ADAM2: variants seen among roughly 807,000 people sequenced by gnomAD.
The protein encoded by ADAM2 is ADAM metallopeptidase domain 2, also known as disintegrin and metalloproteinase domain-containing protein 2.
Under a neutral mutation model 99.3 loss-of-function variants are expected in ADAM2, and 101 were observed. The ratio of observed to expected loss-of-function variants is 1.02; its 90% confidence interval spans 0.87 to 1.20. The LOEUF is 1.20. ADAM2 is among the 50% of genes most tolerant of loss of function. The pLI is 0.00. For missense variants in ADAM2, 948 were observed against 878.7 expected (o/e 1.08, Z -1.00); for synonymous variants, 323 against 287.6 (o/e 1.12, Z -1.25).
At chr8:39,830,570 A>G (rs908790638) in intron 3 of ADAM2, among the ~76,000 whole-genome samples, 40 of 152,306 alleles carry the variant, frequency 2.6e-4, no homozygotes, top group African/African-American at 9.4e-4. Context: ...CACAGCTGAA[A>G]GAGTGAGCAG....
At chr8:39,787,555 T>C (rs1047141291) in intron 9 of ADAM2, among the ~76,000 whole-genome samples, 3 of 107,302 alleles carry the variant, frequency 2.8e-5, no homozygotes, top group African/African-American at 8.2e-5. Flanking sequence ...TATATATATA[T>C]ACACATATAT....
Position 39,761,197 on chromosome 8 carries a change from C to A in ADAM2, c.1592G>T (p.Gly531Val). The A allele has an allele frequency of 6.3e-7, 1 of 1,598,948 alleles. No homozygotes were observed. Among genetic ancestry groups the A allele is most frequent in the Non-Finnish European group, 8.5e-7 (1 of 1,171,552 alleles). Residue 531 changes from glycine to valine, a missense_variant, in exon 15 of 21, where the codon GGA becomes GTA. Transcript: ENST00000265708. ...VSGNCGISDS[G>V]YTQCEADNLQ... ...ATACTCAGCTTCACACTGTGTGTATCCTGAATCACTTATACCACAGTTTCC... is the reference window on the plus strand; with the variant it reads ...ATACTCAGCTTCACACTGTGTGTATACTGAATCACTTATACCACAGTTTCC...
chr8:39,801,117 A>T (rs1431133352), intron 7 of ADAM2, among the ~76,000 whole-genome samples: 1 of 151,658 alleles, frequency 6.6e-6, no homozygotes, highest in Non-Finnish European at 1.5e-5. Flanking sequence ...GGTTTTCAGC[A>T]TTTTTTTCAT....
At chr8:39,793,273 C>T (rs1803795477) in intron 7 of ADAM2, among the ~76,000 whole-genome samples, 1 of 152,096 alleles carries the variant, frequency 6.6e-6, no homozygotes, top group Non-Finnish European at 1.5e-5. Context: ...TACTTAAATG[C>T]CATCCCTTTA....
At position 39,787,236 on chromosome 8, in the gene ADAM2, CAA is replaced by C. The variant is rs757637300; in HGVS notation, c.810-183_810-182del. ...AAAACAATAAAATAAATTTTAAAAA[CAA>C]AGTGTATTTTATATGGATTTCTGTA... is the stretch of plus-strand genomic sequence containing the variant. On this transcript the variant is annotated intron_variant, in intron 9 of 20. Transcript: ENST00000265708. Among the ~76,000 whole-genome samples the C allele has an allele frequency of 7.9e-5, 12 of 151,256 alleles. No individual in the cohort carries two copies. The East Asian group carries it at 9.7e-4, about 12-fold the overall frequency.
intron 12 of ADAM2, among the ~76,000 whole-genome samples, chr8:39,768,593 T>C (rs1299765931): frequency 6.6e-6 from 1 of 152,206 alleles, no homozygotes; most frequent in Non-Finnish European, 1.5e-5. Flanking sequence ...ACCACAAATG[T>C]ACTCCCTAGG....
intron 8 of ADAM2, among the ~76,000 whole-genome samples, chr8:39,788,466 C>T (rs1211103610): frequency 1.3e-5 from 2 of 151,698 alleles, no homozygotes; most frequent in African/African-American, 4.8e-5. Flanking sequence ...GCCCCATACC[C>T]CATGCTTTAT....
Position 39,834,138 on chromosome 8 carries a change from A to G in ADAM2, c.133-139T>C, listed in dbSNP as rs898914029. 5 of 526,678 alleles carry G rather than the reference A, an allele frequency of 9.5e-6. No individual in the cohort carries two copies. The African/African-American group carries it at 9.7e-5, about 10-fold the overall frequency. 32.6% of individuals were successfully genotyped at this position (526,678 alleles called of 1,614,324 possible). On this transcript the variant is annotated intron_variant, in intron 2 of 20. Coordinates refer to ENST00000265708, the MANE Select transcript of ADAM2 (RefSeq NM_001464.5). ...GGAGAAAAAATAGAATTTAATGCTG[A>G]TTTATTTTAATGGCATTTGACATTA...
In ADAM2 at chr8:39,788,715, G is replaced by A. The variant is rs916110908; in HGVS notation, c.596C>T (p.Thr199Ile). The change falls in exon 8 of 21, where the codon ACT becomes ATT. Residue 199 changes from threonine (T) to isoleucine (I), a missense_variant. Coordinates refer to ENST00000265708, the MANE Select transcript of ADAM2 (RefSeq NM_001464.5). ...CTGGAAAACTTTTTGAGCGACAACAGTTGTATCAGACCCCATATGATTATA... is the reference window on the plus strand; with the variant it reads ...CTGGAAAACTTTTTGAGCGACAACAATTGTATCAGACCCCATATGATTATA... ...QLYNHMGSDT[T>I]VVAQKVFQLI... The A allele has an allele frequency of 1.3e-6, 2 of 1,574,140 alleles. No homozygotes were observed. The highest frequency in any genetic ancestry group is 1.7e-6 in the Non-Finnish European group (2 of 1,155,700).
intron 7 of ADAM2, among the ~76,000 whole-genome samples, chr8:39,795,905 C>T (rs1300901597): frequency 5.9e-5 from 9 of 152,126 alleles, no homozygotes; most frequent in Non-Finnish European, 1.3e-4. Context: ...ACTGCACTTA[C>T]ATAATAATTA....
chr8:39,784,152 A>G (rs952174564), intron 10 of ADAM2, among the ~76,000 whole-genome samples: 2 of 152,148 alleles, frequency 1.3e-5, no homozygotes, highest in Non-Finnish European at 2.9e-5. Context: ...AAAAGGCAGA[A>G]CTTCAACTAT....
chr8:39,822,086 C>G (rs10106769), intron 4 of ADAM2, among the ~76,000 whole-genome samples: 4,654 of 152,186 alleles, frequency 0.031, 168 homozygotes, highest in African/African-American at 0.083. Context: ...TACCTAAAAT[C>G]TTAGTTTGTA....
intron 8 of ADAM2, 28 bp from the exon 9 acceptor site, chr8:39,788,279 C>A: frequency 7.2e-7 from 1 of 1,387,116 alleles, no homozygotes; most frequent in Non-Finnish European, 9.6e-7. Flanking sequence ...CAAAAGTGTG[C>A]TCAAAAGTCA....
intron 3 of ADAM2, among the ~76,000 whole-genome samples, chr8:39,827,738 A>G (rs1805467247): frequency 6.6e-6 from 1 of 152,056 alleles, no homozygotes; most frequent in African/African-American, 2.4e-5. Flanking sequence ...GAGTGGGAAA[A>G]TGGGAGATGA....
intron 16 of ADAM2, among the ~76,000 whole-genome samples, chr8:39,755,374 C>A (rs926028950): frequency 2.6e-5 from 4 of 152,106 alleles, no homozygotes; most frequent in Non-Finnish European, 5.9e-5. Context: ...AATTATGTAT[C>A]ATTTAAGAAC....
At chr8:39,791,210 A>G (rs1803697476) in intron 7 of ADAM2, among the ~76,000 whole-genome samples, 1 of 152,034 alleles carries the variant, frequency 6.6e-6, no homozygotes, top group Non-Finnish European at 1.5e-5. Flanking sequence ...TTTAATAAAA[A>G]CAGAACATTC....
chr8:39,757,694 T>A (rs1031306564), intron 15 of ADAM2, among the ~76,000 whole-genome samples: 3 of 152,186 alleles, frequency 2.0e-5, no homozygotes, highest in African/African-American at 7.2e-5. Flanking sequence ...ACAGGTTTGC[T>A]TTATAGTTTG....
chr8:39,774,693 A>G lies in ADAM2; in HGVS notation c.1028+2332T>C, dbSNP rs183738018. ...AAAATTGAACAGAGAATACTTTGAC[A>G]TTATCCAAGAGGATGTGGAGGGCCC... On this transcript the variant is annotated intron_variant, in intron 11 of 20. Coordinates refer to ENST00000265708, the MANE Select transcript of ADAM2 (RefSeq NM_001464.5). 37 of 152,216 alleles carry G rather than the reference A, an allele frequency of 2.4e-4. 1 individual carries two copies. The East Asian group carries it at 6.7e-3, about 28-fold the overall frequency. The allele number at this position is 152,216 out of a possible 1,614,324, so 9.4% of individuals were successfully genotyped here.
At chr8:39,834,122 A>G in intron 2 of ADAM2, 123 bp from the exon 3 acceptor site, 1 of 553,262 alleles carries the variant, frequency 1.8e-6, no homozygotes, top group South Asian at 2.7e-5. Flanking sequence ...AGGAGAAAAA[A>G]TAGAATTTAA....
Sources: allele counts gnomAD v4.1 joint callset (sites outside exome capture counted in the v4.1 genomes callset), GRCh38; gene constraint gnomAD v4.1.1; transcripts MANE v1.5; gene names NCBI Gene and HGNC (gene_info 2026-07-23, HGNC 2026-07-21).